ADGRE2: variants seen among roughly 807,000 people sequenced by gnomAD.
ADGRE2 encodes adhesion G protein-coupled receptor E2.
A neutral mutation model predicts 100.8 loss-of-function variants in ADGRE2; 83 were observed. The ratio of observed to expected loss-of-function variants is 0.82; its 90% CI spans 0.69 to 0.99. The LOEUF is 0.99. ADGRE2 is among the 50% of genes least tolerant of loss of function. The pLI, the probability that ADGRE2 is intolerant of heterozygous loss-of-function variation, is 0.00. For synonymous variants in ADGRE2, 355 were observed against 413.0 expected, an observed-to-expected ratio of 0.86 and a Z score of 1.70; for missense variants, 814 against 1,035.7, an observed-to-expected ratio of 0.79 and a Z score of 2.94.
the ADGRE2 span, among the ~76,000 whole-genome samples, chr19:14,725,363 A>G: frequency 5.3e-5 from 8 of 152,116 alleles, no homozygotes; most frequent in Admixed American, 2.0e-4. Context: ...TCTAAACTAT[A>G]TTATTCTGCC....
chr19:14,757,513 C>A (rs548483044), intron 11 of ADGRE2, among the ~76,000 whole-genome samples: 1 of 152,168 alleles, frequency 6.6e-6, no homozygotes, highest in Non-Finnish European at 1.5e-5. Flanking sequence ...CATAAGGACA[C>A]AACAGAATAG....
At chr19:14,729,130 CTT>C (rs1414900427), downstream of ADGRE2, among the ~76,000 whole-genome samples, 1 of 152,070 alleles carries the variant, frequency 6.6e-6, no homozygotes, top group Non-Finnish European at 1.5e-5. Context: ...TTTATAGTAA[CTT>C]GGGGCAGGGA....
the ADGRE2 span, among the ~76,000 whole-genome samples, chr19:14,724,266 T>C: frequency 0.71 from 107,638 of 152,078 alleles, 39,308 homozygotes; most frequent in African/African-American, 0.87. Context: ...TACACACACT[T>C]TAGAAGGGCT....
At chr19:14,741,092 T>G (rs1017624798) in intron 20 of ADGRE2, among the ~76,000 whole-genome samples, 8 of 8,908 alleles carry the variant, frequency 9.0e-4, no homozygotes, top group Non-Finnish European at 1.4e-3. Context: ...GAATAGGCTG[T>G]TTTTTTTTTT....
rs1312318813 is a variant in ADGRE2 at position 14,733,385 on chromosome 19, G to C, written c.*2851C>G. Reference sequence around the variant, plus strand: ...ATAAAACAGCTCGGGCACAGAGGAAGGTGGAGGAAAAGTCTCTTGGGTAAC... The same window carrying C: ...ATAAAACAGCTCGGGCACAGAGGAACGTGGAGGAAAAGTCTCTTGGGTAAC... On this transcript the variant is annotated 3_prime_UTR_variant, in exon 21 of 21. Coordinates refer to ENST00000315576, the MANE Select transcript of ADGRE2 (RefSeq NM_013447.4). 1.2e-4 allele frequency: 19 copies of C among 152,196 alleles called. No homozygotes were observed. Among genetic ancestry groups the C allele is most frequent in the Admixed American group, 1.2e-3 (19 of 15,270 alleles). The allele number at this position is 152,196 out of a possible 1,614,324, so 9.4% of individuals were successfully genotyped here. A position where few individuals can be genotyped will look rare whatever the true frequency, so the allele number is the denominator to read the frequency against.
intron 1 of ADGRE2, among the ~76,000 whole-genome samples, chr19:14,777,449 G>GC (rs2044481636): frequency 6.6e-6 from 1 of 151,910 alleles, no homozygotes; most frequent in African/African-American, 2.4e-5. Context: ...GGGCAACATG[G>GC]CGAAGCTCGG....
At chr19:14,770,283 T>G (rs992341898) in intron 5 of ADGRE2, among the ~76,000 whole-genome samples, 2 of 152,170 alleles carry the variant, frequency 1.3e-5, no homozygotes, top group Non-Finnish European at 1.5e-5. Flanking sequence ...TCTCTCTTGC[T>G]TCCTTCCTCT....
chr19:14,760,499 A>T (rs62122620), intron 11 of ADGRE2, among the ~76,000 whole-genome samples: 4,881 of 152,226 alleles, frequency 0.032, 126 homozygotes, highest in Non-Finnish European at 0.055. Flanking sequence ...ACATAGAATT[A>T]CCATATCACC....
intron 4 of ADGRE2, among the ~76,000 whole-genome samples, chr19:14,773,099 C>CAAAAAAAAAAAAAAA (rs1231448957): frequency 2.8e-5 from 2 of 72,116 alleles, no homozygotes; most frequent in African/African-American, 5.7e-5. Context: ...AAAAAAAAAA[C>CAAAAAAAAAAAAAAA]AAAAAAAAAA....
intron 5 of ADGRE2, among the ~76,000 whole-genome samples, chr19:14,770,248 G>C (rs1048407291): frequency 6.6e-6 from 1 of 152,024 alleles, no homozygotes; most frequent in Non-Finnish European, 1.5e-5. Context: ...ACTGCTTGTT[G>C]GAAAAAGCCT....
At chr19:14,765,431 C>T (rs762423805) in intron 9 of ADGRE2, 34 bp from the exon 10 acceptor site, 3 of 1,613,958 alleles carry the variant, frequency 1.9e-6, no homozygotes, top group Non-Finnish European at 2.5e-6. Context: ...GTCAGAGAGC[C>T]TGGACGGCGG....
chr19:14,746,261 AT>A lies in ADGRE2; in HGVS notation c.2153del (p.Asn718IlefsTer82). ...TGTTCCGGAGGGTGGACACTTCACT[AT>A]TGAGGGAGGAGAGTCTGTTTTTCAA... ...WILKNRLSSL[N>X]SEVSTLRNTR... On this transcript the variant is annotated frameshift_variant, in exon 18 of 21. Coordinates refer to ENST00000315576, the MANE Select transcript of ADGRE2 (RefSeq NM_013447.4). LOFTEE classifies it high-confidence loss of function. 1 of 1,608,558 alleles carries A rather than the reference AT, an allele frequency of 6.2e-7. No homozygotes were observed. Among genetic ancestry groups the A allele is most frequent in the African/African-American group, 1.3e-5 (1 of 74,714 alleles).
intron 5 of ADGRE2, among the ~76,000 whole-genome samples, chr19:14,769,352 T>G (rs1285624026): frequency 3.3e-5 from 5 of 152,106 alleles, no homozygotes; most frequent in Non-Finnish European, 7.4e-5. Context: ...TAGCGACAGG[T>G]GACCAGGTGT....
intron 14 of ADGRE2, 31 bp from the exon 15 acceptor site, chr19:14,752,557 A>G: frequency 6.2e-7 from 1 of 1,608,102 alleles, no homozygotes; most frequent in Non-Finnish European, 8.5e-7. Context: ...GTTCACAGTG[A>G]TGCTTTCCTG....
chr19:14,771,240 G>A (rs188347269), intron 5 of ADGRE2, among the ~76,000 whole-genome samples: 1 of 152,164 alleles, frequency 6.6e-6, no homozygotes, highest in African/African-American at 2.4e-5. Context: ...AGCAGGGCAG[G>A]TCTGCTGAAC....
intron 14 of ADGRE2, among the ~76,000 whole-genome samples, chr19:14,754,482 T>C (rs2043419037): frequency 6.6e-6 from 1 of 151,604 alleles, no homozygotes; most frequent in South Asian, 2.1e-4. Context: ...TATCTATCTA[T>C]CTATCTATTC....
At chr19:14,758,579 G>T (rs1199199826) in intron 11 of ADGRE2, among the ~76,000 whole-genome samples, 1 of 152,058 alleles carries the variant, frequency 6.6e-6, no homozygotes, top group Admixed American at 6.6e-5. Flanking sequence ...GATTTAATAG[G>T]CGAAAGAAAA....
At chr19:14,766,491 A>G (rs148393358) in intron 6 of ADGRE2, 110 bp from the exon 7 acceptor site, 5 of 1,354,820 alleles carry the variant, frequency 3.7e-6, no homozygotes, top group African/African-American at 2.9e-5. Context: ...GAAGACCATT[A>G]TTGCACGTGC....
At position 14,774,694 on chromosome 19, in the gene ADGRE2, G is replaced by C. The variant is rs1227520794; in HGVS notation, c.32-388C>G. Among the ~76,000 whole-genome samples, 321 of 44,838 alleles carry C rather than the reference G, an allele frequency of 7.2e-3. 5 individuals carry two copies. The highest frequency in any genetic ancestry group is 0.02 in the African/African-American group (310 of 15,742). 29.4% of individuals were successfully genotyped at this position (44,838 alleles called of 152,430 possible). On this transcript the variant is annotated intron_variant, in intron 2 of 20. Transcript: ENST00000315576. ...TTAAATTTTCTTTCTTTCTTTTTGA[G>C]ACAGGGTCTTGCTCTGTCGCCCAGG...
Sources: allele counts gnomAD v4.1 joint callset (sites outside exome capture counted in the v4.1 genomes callset), GRCh38; gene constraint gnomAD v4.1.1; transcripts MANE v1.5; gene names NCBI Gene and HGNC (gene_info 2026-07-23, HGNC 2026-07-21).